FMN1: variants seen among roughly 807,000 people sequenced by gnomAD.
FMN1 encodes formin-1.
FMN1 carries 110 observed loss-of-function variants against 132.4 expected under a neutral mutation model. That is an observed-to-expected ratio of 0.83 (90% CI 0.71 to 0.97). The LOEUF (loss-of-function observed/expected upper bound fraction) is 0.97, where lower values mean the gene tolerates loss of function less well. FMN1 is among the 50% of genes least tolerant of loss of function. The pLI is 0.00. For missense variants in FMN1, 1,792 were observed against 1,705.3 expected (o/e 1.05, Z -0.90); for synonymous variants, 722 against 651.7 (o/e 1.11, Z -1.64).
intron 9 of FMN1, among the ~76,000 whole-genome samples, chr15:32,960,995 C>CAAAAAAAAAAAAAAAAAAAAAAAA (rs539245532): frequency 1.7e-5 from 1 of 59,092 alleles, no homozygotes; most frequent in East Asian, 6.6e-4. Flanking sequence ...GACTCCGTCT[C>CAAAAAAAAAAAAAAAAAAAAAAAA]AAAAAAAAAA....
chr15:33,022,746 T>A (rs1190575327), intron 6 of FMN1, among the ~76,000 whole-genome samples: 2 of 144,490 alleles, frequency 1.4e-5, no homozygotes, highest in Non-Finnish European at 1.5e-5. Flanking sequence ...TGGAGTCAAG[T>A]TACTGCAGAG....
chr15:33,128,116 G>A (rs921037036), intron 4 of FMN1, among the ~76,000 whole-genome samples: 4 of 151,560 alleles, frequency 2.6e-5, no homozygotes, highest in African/African-American at 9.7e-5. Flanking sequence ...AGGGAGAGGA[G>A]ACACCATGGT....
In FMN1 at chr15:33,067,597, T is replaced by A. The variant is rs201191204; in HGVS notation, c.2044-2523A>T. 3.2e-5 allele frequency: 52 copies of A among 1,614,008 alleles called. No homozygotes were observed. In the East Asian group the frequency reaches 6.9e-4, roughly 21 times the overall value. ...CTGATTCTGTCTCCACGCTTGCAAT[T>A]TTCTCATCATTTCCGAGGTCAGGTG... On this transcript the variant is annotated intron_variant, in intron 5 of 20. Coordinates refer to ENST00000616417, the MANE Select transcript of FMN1 (RefSeq NM_001277313.2).
At position 32,888,692 on chromosome 15, in the gene FMN1, T is replaced by C. The variant is rs950001676; in HGVS notation, c.3715-400A>G. Among the ~76,000 whole-genome samples, 7 of 152,288 alleles carry C rather than the reference T, an allele frequency of 4.6e-5. No individual in the cohort carries two copies. In the Middle Eastern group the frequency reaches 0.01, roughly 222 times the overall value. On this transcript the variant is annotated intron_variant, in intron 15 of 20. Transcript: ENST00000616417. Reference sequence around the variant, plus strand: ...AATTAGACAAGTCATCTTTGGGGCATACCAATGGGTGTGAATCAGAAGGTG... The same window carrying C: ...AATTAGACAAGTCATCTTTGGGGCACACCAATGGGTGTGAATCAGAAGGTG...
intron 10 of FMN1, among the ~76,000 whole-genome samples, chr15:32,923,083 G>A (rs543738447): frequency 4.0e-4 from 61 of 152,320 alleles, no homozygotes; most frequent in African/African-American, 1.4e-3. Flanking sequence ...GAAAGTATGA[G>A]TTAATCCCTC....
chr15:32,942,837 G>A (rs1418499443), intron 9 of FMN1, among the ~76,000 whole-genome samples: 1 of 152,126 alleles, frequency 6.6e-6, no homozygotes, highest in Non-Finnish European at 1.5e-5. Flanking sequence ...ATAGCTGCTG[G>A]CACTTCAGGG....
At chr15:33,184,756 G>A (rs1412433370) in intron 2 of FMN1, among the ~76,000 whole-genome samples, 3 of 151,960 alleles carry the variant, frequency 2.0e-5, no homozygotes, top group Non-Finnish European at 2.9e-5. Context: ...TGCCCACCTC[G>A]GCCTCCCAAA....
rs1328194300 is a variant in FMN1 at position 32,766,547 on chromosome 15, C to T, written c.*7763G>A. 7.1e-6 allele frequency: 1 copy of T among 141,378 alleles called. No homozygotes were observed. The highest frequency in any genetic ancestry group is 2.6e-5 in the African/African-American group (1 of 37,760). The allele number at this position is 141,378 out of a possible 1,614,324, so 8.8% of individuals were successfully genotyped here. On this transcript the variant is annotated 3_prime_UTR_variant, in exon 21 of 21. Transcript: ENST00000616417. ...GAATAAGAACCCCCCCCCCACCCCG[C>T]CCAATCTTCTTAAAATAAAATAAAA...
At chr15:33,093,691 G>A (rs2038981340) in intron 4 of FMN1, among the ~76,000 whole-genome samples, 1 of 152,206 alleles carries the variant, frequency 6.6e-6, no homozygotes, top group African/African-American at 2.4e-5. Context: ...TGTGGGGAGA[G>A]AAATGATGAA....
At position 33,154,067 on chromosome 15, in the gene FMN1, C is replaced by G; in HGVS notation, c.848G>C (p.Arg283Thr). 1 of 1,536,064 alleles carries G rather than the reference C, an allele frequency of 6.5e-7. No individual in the cohort carries two copies. ...CTGATGCTCCAGCCCGCTCGGCGGC[C>G]TCCGAATGCCATCCCCTCCTGCCTC... is the stretch of plus-strand genomic sequence containing the variant. ...STEAGGDGIR[R>T]PPSGLEHQQT... The change falls in exon 4 of 21, where the codon AGG becomes ACG. Residue 283 changes from arginine to threonine, a missense_variant. Around this residue, in one of 3 missense-constraint regions of FMN1, gnomAD observed 638 missense variants for 645.2 expected, o/e 0.99. Coordinates refer to ENST00000616417, the MANE Select transcript of FMN1 (RefSeq NM_001277313.2).
At chr15:33,029,004 GT>G (rs1207415421) in intron 6 of FMN1, among the ~76,000 whole-genome samples, 2 of 152,156 alleles carry the variant, frequency 1.3e-5, no homozygotes. Flanking sequence ...AAGTAAGAAT[GT>G]TTCACCTAAG....
chr15:32,877,964 G>T (rs182602221), intron 16 of FMN1, among the ~76,000 whole-genome samples: 4 of 152,256 alleles, frequency 2.6e-5, no homozygotes, highest in Non-Finnish European at 5.9e-5. Flanking sequence ...TCATATATCT[G>T]CCTTCATGAA....
At chr15:33,143,457 G>A (rs1964088761) in intron 4 of FMN1, among the ~76,000 whole-genome samples, 2 of 152,104 alleles carry the variant, frequency 1.3e-5, no homozygotes, top group Non-Finnish European at 2.9e-5. Context: ...TTCAGTAACT[G>A]ACCCAGGTAT....
At chr15:32,870,184 TCTTC>T (rs1168582370) in intron 16 of FMN1, among the ~76,000 whole-genome samples, 1 of 152,184 alleles carries the variant, frequency 6.6e-6, no homozygotes, top group African/African-American at 2.4e-5. Flanking sequence ...TTAGAAAGAT[TCTTC>T]CTTTAATTTT....
intron 6 of FMN1, among the ~76,000 whole-genome samples, chr15:33,045,810 C>T (rs986714120): frequency 2.0e-5 from 3 of 152,002 alleles, no homozygotes; most frequent in Admixed American, 6.6e-5. Context: ...ATTTTTCGTG[C>T]ACATGTAGGT....
chr15:33,146,069 G>A (rs935323619), intron 4 of FMN1, among the ~76,000 whole-genome samples: 1 of 150,394 alleles, frequency 6.6e-6, no homozygotes, highest in Admixed American at 6.6e-5. Context: ...TACTTCTCCC[G>A]GGATCAAGAG....
chr15:33,151,133 T>C, intron 4 of FMN1: 1 of 1,426,256 alleles, frequency 7.0e-7, no homozygotes, highest in Non-Finnish European at 9.1e-7. Flanking sequence ...AGGATACAAA[T>C]CAAAGGTACT....
chr15:32,868,687 G>A lies in FMN1; in HGVS notation c.3836-11580C>T, dbSNP rs141354340. On this transcript the variant is annotated intron_variant, in intron 16 of 20. Transcript: ENST00000616417. The stretch of plus-strand genomic sequence containing the variant: ...GGGCTGGAGAAGACACAAGTACACT[G>A]ACATTCACTCATTCACCCACTTTCA... Among the ~76,000 whole-genome samples the A allele has an allele frequency of 3.3e-5, 5 of 152,196 alleles. No homozygotes were observed. In the East Asian group the frequency reaches 9.7e-4, roughly 29 times the overall value.
chr15:33,031,096 G>T (rs1417490245), intron 6 of FMN1, among the ~76,000 whole-genome samples: 1 of 151,830 alleles, frequency 6.6e-6, no homozygotes, highest in Non-Finnish European at 1.5e-5. Context: ...ATCCGTGTTA[G>T]AAGTAAAAAA....
Sources: gnomAD v4.1 joint callset for allele counts (sites outside exome capture counted in the v4.1 genomes callset) on GRCh38, gnomAD v4.1.1 for gene constraint, gnomAD v4.1.1 regional missense constraint, MANE v1.5 for transcripts, NCBI Gene and HGNC (gene_info 2026-07-23, HGNC 2026-07-21) for gene names.